TRPM1: variants seen among roughly 807,000 people sequenced by gnomAD.
The protein encoded by TRPM1 is transient receptor potential cation channel subfamily M member 1.
A neutral mutation model predicts 149.4 loss-of-function variants in TRPM1; 113 were observed. The observed-to-expected ratio is 0.76, with a 90% CI of 0.65 to 0.88. The LOEUF (loss-of-function observed/expected upper bound fraction) is 0.88, where lower values mean the gene tolerates loss of function less well. TRPM1 is among the 40% of genes least tolerant of loss of function. The probability of loss-of-function intolerance (pLI) is 0.00; values close to 1 mark genes in which losing one functional copy is unlikely to be tolerated. For synonymous variants in TRPM1, 741 were observed against 759.5 expected (o/e 0.98, Z 0.40); for missense variants, 1,976 against 2,038.7 (o/e 0.97, Z 0.59).
rs2034427431 is a variant in TRPM1, at chr15:31,067,958, C to G, written c.414G>C (p.Leu138=). The G allele has an allele frequency of 6.2e-7, 1 of 1,614,048 alleles. No homozygotes were observed. Among genetic ancestry groups the G allele is most frequent in the Admixed American group, 1.7e-5 (1 of 60,004 alleles). The change falls in exon 5 of 28, where the codon CTG becomes CTC. Residue 138 remains leucine, a synonymous_variant. Coordinates refer to ENST00000256552, the MANE Select transcript of TRPM1 (RefSeq NM_001252024.2). ...TCAGGCCTTTCCCAAAGACTTGTTT[C>G]AGCTTGGGCTGCATCTCAAAGTTCT... ...GLQNFEMQPK[L]KQVFGKGLIK...
At chr15:31,009,326 C>G (rs1464044556) in intron 27 of TRPM1, among the ~76,000 whole-genome samples, 8 of 152,074 alleles carry the variant, frequency 5.3e-5, no homozygotes, top group Middle Eastern at 3.4e-3. Context: ...GAGACCTCGG[C>G]TCAAAAAATA....
At chr15:31,028,531 A>T in intron 24 of TRPM1, 55 bp from the exon 25 acceptor site, 4 of 1,579,076 alleles carry the variant, frequency 2.5e-6, no homozygotes, top group Non-Finnish European at 3.5e-6. Context: ...AAAAGGATAA[A>T]TATCTCTTAC....
intron 1 of TRPM1, among the ~76,000 whole-genome samples, chr15:31,093,677 C>A (rs569406318): frequency 7.3e-4 from 111 of 151,870 alleles, no homozygotes; most frequent in Non-Finnish European, 1.5e-3. Context: ...TCTCGGCTCA[C>A]TGCAGCCTCT....
At chr15:31,110,700 C>G (rs550766298) in intron 1 of TRPM1, among the ~76,000 whole-genome samples, 12 of 152,244 alleles carry the variant, frequency 7.9e-5, no homozygotes, top group African/African-American at 2.9e-4. Context: ...TGAGGCCCCT[C>G]TATTGCTCCC....
chr15:31,140,713 C>G (rs2141051827), intron 1 of TRPM1, among the ~76,000 whole-genome samples: 1 of 152,378 alleles, frequency 6.6e-6, no homozygotes, highest in South Asian at 2.1e-4. Flanking sequence ...TTCATACAGT[C>G]TGCAGAACTG....
intron 26 of TRPM1, 47 bp downstream of exon 26, chr15:31,026,868 C>T: frequency 6.3e-7 from 1 of 1,593,536 alleles, no homozygotes; most frequent in Non-Finnish European, 8.6e-7. Context: ...AATTTGAACA[C>T]TATTTTGAAA....
intron 1 of TRPM1, among the ~76,000 whole-genome samples, chr15:31,155,950 G>A (rs1367793451): frequency 4.0e-5 from 6 of 151,898 alleles, no homozygotes; most frequent in African/African-American, 9.7e-5. Context: ...TAATCCCAGC[G>A]CTTTGGGAGG....
At chr15:31,039,010 T>G (rs1030761911) in intron 18 of TRPM1, among the ~76,000 whole-genome samples, 3 of 150,246 alleles carry the variant, frequency 2.0e-5, no homozygotes, top group South Asian at 2.1e-4. Flanking sequence ...TTTTTTTTTT[T>G]GCTTGGACTA....
intron 8 of TRPM1, 87 bp downstream of exon 8, chr15:31,063,031 G>T: frequency 6.5e-7 from 1 of 1,541,914 alleles, no homozygotes; most frequent in Non-Finnish European, 8.9e-7. Context: ...CGTTTGGAAT[G>T]TCTAAGCAGA....
rs2031764959 is a variant in TRPM1, at chr15:31,001,622, C to G, written c.*200G>C. 3.2e-6 allele frequency: 2 copies of G among 620,026 alleles called. No homozygotes were observed. The highest frequency in any genetic ancestry group is 5.6e-6 in the Non-Finnish European group (2 of 357,344). 38.4% of individuals were successfully genotyped at this position (620,026 alleles called of 1,614,324 possible). ...ACAGTATCATCACTTTCATTTGATA[C>G]TACTGCAACTGAAAAAACTAAGCCT... On this transcript the variant is annotated 3_prime_UTR_variant, in exon 28 of 28. Coordinates refer to ENST00000256552, the MANE Select transcript of TRPM1 (RefSeq NM_001252024.2).
At chr15:31,113,030 A>G (rs1057197123) in intron 1 of TRPM1, among the ~76,000 whole-genome samples, 6 of 152,216 alleles carry the variant, frequency 3.9e-5, no homozygotes, top group Admixed American at 3.9e-4. Context: ...TGTTGGAGCA[A>G]TCTGCTTCCT....
chr15:31,088,504 A>G (rs1379938132), intron 1 of TRPM1, among the ~76,000 whole-genome samples: 1 of 152,194 alleles, frequency 6.6e-6, no homozygotes, highest in Non-Finnish European at 1.5e-5. Context: ...ACCTGGAAAG[A>G]CGAGCAACTC....
intron 3 of TRPM1, among the ~76,000 whole-genome samples, chr15:31,074,810 A>C (rs143878902): frequency 1.3e-5 from 2 of 152,172 alleles, no homozygotes; most frequent in African/African-American, 4.8e-5. Context: ...AGGTATTTAC[A>C]GGTATAAATT....
At chr15:31,059,572 A>AT (rs1405426546) in intron 11 of TRPM1, among the ~76,000 whole-genome samples, 3 of 151,756 alleles carry the variant, frequency 2.0e-5, no homozygotes, top group East Asian at 3.9e-4. Context: ...TGCCTGGCTA[A>AT]TTTTTTTTAT....
Position 31,002,891 on chromosome 15 carries a change from C to G in TRPM1, c.3809G>C (p.Arg1270Pro). The stretch of plus-strand genomic sequence containing the variant: ...CGTTGCCTCACATTCAGAAGAAGCC[C>G]GGGACCGTGCCTGGATCAGGTCAGA... ...DRSDLIQARS[R>P]ASSECEATYL... is the part of the protein sequence containing the mutation. The change falls in exon 28 of 28, where the codon CGG becomes CCG. Residue 1270 changes from arginine to proline, a missense_variant. By Grantham distance (103) the Arg-to-Pro change is moderately radical (BLOSUM62 -2). Around this residue, in one of 3 missense-constraint regions of TRPM1, gnomAD observed 572 missense variants for 578.9 expected, o/e 0.99. Coordinates refer to ENST00000256552, the MANE Select transcript of TRPM1 (RefSeq NM_001252024.2). 1.2e-6 allele frequency: 2 copies of G among 1,613,944 alleles called. No homozygotes were observed. The highest frequency in any genetic ancestry group is 1.7e-6 in the Non-Finnish European group (2 of 1,179,854).
At chr15:31,080,323 G>A in intron 2 of TRPM1, among the ~76,000 whole-genome samples, 1 of 152,138 alleles carries the variant, frequency 6.6e-6, no homozygotes, top group East Asian at 1.9e-4. Context: ...ACTTGACAGT[G>A]GAGAATTCTG....
intron 1 of TRPM1, among the ~76,000 whole-genome samples, chr15:31,088,886 G>C (rs575521807): frequency 4.3e-4 from 66 of 152,234 alleles, no homozygotes; most frequent in African/African-American, 1.5e-3. Context: ...CCCCCCGAGC[G>C]GGAGATCAGT....
intron 1 of TRPM1, among the ~76,000 whole-genome samples, chr15:31,088,163 G>C (rs1187205686): frequency 1.3e-5 from 2 of 152,094 alleles, no homozygotes; most frequent in African/African-American, 2.4e-5. Context: ...TCTAGCTAAA[G>C]GTTTGTAACG....
In TRPM1 at chr15:31,072,014, TATATAGAGAG is replaced by T. The variant is rs1376119366; in HGVS notation, c.84-1798_84-1789del. On this transcript the variant is annotated intron_variant, in intron 3 of 27. Coordinates refer to ENST00000256552, the MANE Select transcript of TRPM1 (RefSeq NM_001252024.2). ...ATATATATATATATATATATATATA[TATATAGAGAG>T]AGAGAGAGAGAGAGAGAGAGAGAGA... Among the ~76,000 whole-genome samples the T allele has an allele frequency of 8.4e-3, 236 of 28,210 alleles. 2 individuals are homozygous for T. Among genetic ancestry groups the T allele is most frequent in the Non-Finnish European group, 0.013 (202 of 15,242 alleles). The allele number at this position is 28,210 out of a possible 152,430, so 18.5% of individuals were successfully genotyped here. A position where few individuals can be genotyped will look rare whatever the true frequency, so the allele number is the denominator to read the frequency against.
Sources: allele counts gnomAD v4.1 joint callset (sites outside exome capture counted in the v4.1 genomes callset), GRCh38; gene constraint gnomAD v4.1.1; regional missense constraint gnomAD v4.1.1; transcripts MANE v1.5; gene names NCBI Gene and HGNC (gene_info 2026-07-23, HGNC 2026-07-21).